Variants in NPAS4 observed in about 807,000 individuals in gnomAD.
NPAS4 encodes neuronal PAS domain-containing protein 4.
A neutral mutation model predicts 64.0 loss-of-function variants in NPAS4; 10 were observed. The observed-to-expected ratio is 0.16, with a 90% CI of 0.10 to 0.26. The LOEUF (loss-of-function observed/expected upper bound fraction) is 0.26. Among genes scored for constraint, NPAS4 ranks in the 10% least tolerant of loss-of-function variants. The pLI is 1.00. For missense variants in NPAS4, 886 were observed against 992.6 expected (o/e 0.89, Z 1.44); for synonymous variants, 441 against 411.7 (o/e 1.07, Z -0.86).
At position 66,425,151 on chromosome 11, in the gene NPAS4, T is replaced by C; in HGVS notation, c.2261T>C (p.Leu754Pro). ...NNLSPEDHSF[L>P]EDLATYETAF... ...CTGTCCCCAGAAGACCACAGCTTCC[T>C]GGAGGACCTGGCCACATATGAAACC... Residue 754 changes from leucine (L) to proline (P), a missense_variant, in exon 7 of 8, where the codon CTG becomes CCG. Around this residue, in one of 3 missense-constraint regions of NPAS4, gnomAD observed 820 missense variants for 855.5 expected, o/e 0.96. Coordinates refer to ENST00000311034, the MANE Select transcript of NPAS4 (RefSeq NM_178864.4). The C allele has an allele frequency of 6.2e-7, 1 of 1,605,652 alleles. No individual in the cohort carries two copies. The highest frequency in any genetic ancestry group is 1.1e-5 in the South Asian group (1 of 89,732).
chr11:66,419,078 T>A (rs1017465888), upstream of NPAS4, among the ~76,000 whole-genome samples: 7 of 152,042 alleles, frequency 4.6e-5, no homozygotes, highest in Non-Finnish European at 4.4e-5. Flanking sequence ...GATCAAGGGA[T>A]TGTTCAAATG....
At position 66,424,862 on chromosome 11, in the gene NPAS4, G is replaced by A. The variant is rs367622005; in HGVS notation, c.1972G>A (p.Gly658Arg). 2.1e-4 allele frequency: 341 copies of A among 1,612,624 alleles called. 1 individual carries two copies. In the South Asian group the frequency reaches 3.5e-3, roughly 16 times the overall value. Reference sequence around the variant, plus strand: ...CTTCTCAGCTGAGGCTGGCACTGGCGGACTAGAGCCACTTGGAGGACTGGA... The same window carrying A: ...CTTCTCAGCTGAGGCTGGCACTGGCAGACTAGAGCCACTTGGAGGACTGGA... ...RPFSAEAGTGGLEPLGGLEPL... is the reference protein window; with the variant it reads ...RPFSAEAGTGRLEPLGGLEPL... Residue 658 changes from glycine (G) to arginine (R), a missense_variant, in exon 7 of 8, where the codon GGA (glycine) becomes AGA (arginine). Physicochemically the swap from Gly to Arg is moderately radical, Grantham distance 125. This residue lies in a region of NPAS4 where 820 missense variants were observed against 855.5 expected (regional missense o/e 0.96). Coordinates refer to ENST00000311034, the MANE Select transcript of NPAS4 (RefSeq NM_178864.4).
upstream of NPAS4, among the ~76,000 whole-genome samples, chr11:66,419,350 C>T (rs1856703539): frequency 6.6e-6 from 1 of 152,128 alleles, no homozygotes; most frequent in Non-Finnish European, 1.5e-5. Flanking sequence ...ACATACTTCT[C>T]CTCAGCCGCC....
intron 7 of NPAS4, 142 bp from the exon 8 acceptor site, chr11:66,425,818 TA>T: frequency 1.5e-6 from 1 of 656,542 alleles, no homozygotes; most frequent in East Asian, 2.8e-5. Flanking sequence ...AATTGCCCCC[TA>T]ATCTACTGAG....
At chr11:66,417,813 C>CA (rs141187752), upstream of NPAS4, among the ~76,000 whole-genome samples, 2,787 of 143,576 alleles carry the variant, frequency 0.019, 87 homozygotes, top group African/African-American at 0.067. Flanking sequence ...AAGTTGGAGA[C>CA]AAAAAAAAAA....
chr11:66,423,474 G>C (rs1856785381), intron 5 of NPAS4, 104 bp from the exon 6 acceptor site: 1 of 1,376,974 alleles, frequency 7.3e-7, no homozygotes, highest in Non-Finnish European at 1.0e-6. Context: ...AGTCAGAAGA[G>C]AGGATGTCAC....
rs776700670 is a variant in NPAS4 at position 66,424,513 on chromosome 11, C to T, written c.1623C>T (p.His541=). The T allele has an allele frequency of 9.9e-6, 16 of 1,614,030 alleles. No individual in the cohort carries two copies. In the African/African-American group the frequency reaches 2.1e-4, roughly 22 times the overall value. Residue 541 remains histidine, a synonymous_variant, in exon 7 of 8, where the codon CAC becomes CAT. Transcript: ENST00000311034. Reference sequence around the variant, plus strand: ...CTCCCAGCACAGCATTCCAAGCACACCTGGACAGCCCCAGCCAAACCTTCC... The same window carrying T: ...CTCCCAGCACAGCATTCCAAGCACATCTGGACAGCCCCAGCCAAACCTTCC... ...LTPPSTAFQA[H]LDSPSQTFPE...
chr11:66,411,409 T>C, the NPAS4 span, among the ~76,000 whole-genome samples: 1 of 152,196 alleles, frequency 6.6e-6, no homozygotes, highest in Admixed American at 6.5e-5. Context: ...GTGGTAGAGC[T>C]GGGAACAGAA....
rs776038259 is a variant in NPAS4 at position 66,421,153 on chromosome 11, C to T, written c.-27C>T. On this transcript the variant is annotated 5_prime_UTR_variant, in exon 1 of 8. Coordinates refer to ENST00000311034, the MANE Select transcript of NPAS4 (RefSeq NM_178864.4). The stretch of plus-strand genomic sequence containing the variant: ...ACGGGAGCGCAGGTGCTCGGGCACC[C>T]GAGCTGGAGCTCCGCAGCCGCCGGT... The T allele has an allele frequency of 1.3e-6, 2 of 1,567,886 alleles. No individual in the cohort carries two copies. The highest frequency in any genetic ancestry group is 1.7e-6 in the Non-Finnish European group (2 of 1,155,518).
upstream of NPAS4, among the ~76,000 whole-genome samples, chr11:66,419,983 G>T (rs564642414): frequency 5.5e-4 from 84 of 152,272 alleles, no homozygotes; most frequent in African/African-American, 1.9e-3. Context: ...GGAGCGGTGC[G>T]GAGGCAGCCA....
upstream of NPAS4, among the ~76,000 whole-genome samples, chr11:66,420,068 C>T (rs1259469712): frequency 9.2e-5 from 14 of 152,322 alleles, 1 homozygote; most frequent in Admixed American, 7.8e-4. Context: ...CCCCCGGCCC[C>T]GCCCCCGCCC....
the NPAS4 span, among the ~76,000 whole-genome samples, chr11:66,415,603 T>C: frequency 1.3e-5 from 2 of 152,352 alleles, no homozygotes; most frequent in East Asian, 3.9e-4. Context: ...GTGACTGTGT[T>C]CCAATAAAAC....
At chr11:66,416,107 C>T (rs576574701), upstream of NPAS4, among the ~76,000 whole-genome samples, 5 of 151,928 alleles carry the variant, frequency 3.3e-5, no homozygotes, top group East Asian at 9.6e-4. Context: ...ATATAAATAA[C>T]AATAATGATA....
rs1246660971 is a variant in NPAS4, at chr11:66,423,886, G to C, written c.996G>C (p.Gln332His). Residue 332 changes from glutamine (Q) to histidine (H), a missense_variant, in exon 7 of 8, where the codon CAG becomes CAC. Around this residue, in one of 3 missense-constraint regions of NPAS4, gnomAD observed 820 missense variants for 855.5 expected, o/e 0.96. Transcript: ENST00000311034. ...AGCAGTTGAACTCTGAAGACACCCA[G>C]GCAGCTTATGTCCTGGGCACTCCGA... ...LRQQLNSEDT[Q>H]AAYVLGTPTM... 2 of 1,613,726 alleles carry C rather than the reference G, an allele frequency of 1.2e-6. No individual in the cohort carries two copies. Among genetic ancestry groups the C allele is most frequent in the East Asian group, 2.2e-5 (1 of 44,872 alleles).
chr11:66,411,800 T>G, the NPAS4 span, among the ~76,000 whole-genome samples: 1 of 152,310 alleles, frequency 6.6e-6, no homozygotes, highest in South Asian at 2.1e-4. Context: ...TTGTTGCCCC[T>G]CGGCCCAGTC....
Position 66,425,013 on chromosome 11 carries a change from C to G in NPAS4, c.2123C>G (p.Thr708Arg). 6.2e-7 allele frequency: 1 copy of G among 1,613,940 alleles called. No individual in the cohort carries two copies. ...CCTGATAACATGTTCCTGGAAGAGACGCCCGTGGAAGACATCTTCATGGAT... is the reference window on the plus strand; with the variant it reads ...CCTGATAACATGTTCCTGGAAGAGAGGCCCGTGGAAGACATCTTCATGGAT... ...ADPDNMFLEETPVEDIFMDLS... is the reference protein window; with the variant it reads ...ADPDNMFLEERPVEDIFMDLS... The change falls in exon 7 of 8, where the codon ACG (threonine) becomes AGG (arginine). Residue 708 changes from threonine to arginine, a missense_variant. Thr to Arg is a moderately conservative substitution (Grantham distance 71). Transcript: ENST00000311034.
Position 66,426,203 on chromosome 11 carries a change from T to C in NPAS4, c.*214T>C. On this transcript the variant is annotated 3_prime_UTR_variant, in exon 8 of 8. Coordinates refer to ENST00000311034, the MANE Select transcript of NPAS4 (RefSeq NM_178864.4). ...CAAGAGACTTCGAGCGATCCCAGTTTCCATTTCAATCTGTATTCACTCGTA... is the reference window on the plus strand; with the variant it reads ...CAAGAGACTTCGAGCGATCCCAGTTCCCATTTCAATCTGTATTCACTCGTA... 1.8e-6 allele frequency: 1 copy of C among 553,892 alleles called. No individual in the cohort carries two copies. Among genetic ancestry groups the C allele is most frequent in the Non-Finnish European group, 3.2e-6 (1 of 307,750 alleles). 34.3% of individuals were successfully genotyped at this position (553,892 alleles called of 1,614,324 possible). A position where few individuals can be genotyped will look rare whatever the true frequency, so the allele number is the denominator to read the frequency against.
chr11:66,420,984 GC>G (rs1856732090), upstream of NPAS4: 1 of 543,072 alleles, frequency 1.8e-6, no homozygotes. Context: ...TCTAAAACGA[GC>G]CCCCCACGCC....
intron 4 of NPAS4, 27 bp from the exon 5 acceptor site, chr11:66,423,096 C>A: frequency 1.3e-6 from 2 of 1,548,122 alleles, no homozygotes; most frequent in Non-Finnish European, 1.8e-6. Context: ...AAACAGAAAG[C>A]TGACCTCACC....
Sources: allele counts gnomAD v4.1 joint callset (sites outside exome capture counted in the v4.1 genomes callset), GRCh38; gene constraint gnomAD v4.1.1; regional missense constraint gnomAD v4.1.1; transcripts MANE v1.5; gene names NCBI Gene and HGNC (gene_info 2026-07-23, HGNC 2026-07-21).